The following DGKB variants were observed in gnomAD, a reference collection of about 807,000 sequenced individuals.
The protein encoded by DGKB is 90 kDa diacylglycerol kinase.
DGKB carries 67 observed loss-of-function variants against 114.3 expected under a neutral mutation model. That is an observed-to-expected ratio of 0.59 (90% CI 0.48 to 0.72). The LOEUF (loss-of-function observed/expected upper bound fraction) is 0.72, where lower values mean the gene tolerates loss of function less well. Among genes scored for constraint, DGKB ranks in the 30% least tolerant of loss-of-function variants. The pLI is 0.00. For synonymous variants in DGKB, 398 were observed against 323.1 expected (o/e 1.23, Z -2.49); for missense variants, 907 against 975.2 (o/e 0.93, Z 0.93).
At chr7:14,908,604 A>G (rs1042158134) in intron 1 of DGKB, among the ~76,000 whole-genome samples, 1 of 152,224 alleles carries the variant, frequency 6.6e-6, no homozygotes, top group African/African-American at 2.4e-5. Context: ...GCCTTAAGAT[A>G]AAGCATTTTA....
intron 23 of DGKB, among the ~76,000 whole-genome samples, chr7:14,296,299 G>A (rs192931105): frequency 6.6e-6 from 1 of 152,062 alleles, no homozygotes; most frequent in Non-Finnish European, 1.5e-5. Context: ...CAAAGTGCTG[G>A]TATTACAGGC....
Position 14,729,236 on chromosome 7 carries a change from C to T in DGKB, c.322+6805G>A, listed in dbSNP as rs574147399. Reference sequence around the variant, plus strand: ...CTCCTGGGTTCACGCCATTCTCCCGCCTCAGCCTCCCGAGTAGCTGGGACT... The same window carrying T: ...CTCCTGGGTTCACGCCATTCTCCCGTCTCAGCCTCCCGAGTAGCTGGGACT... On this transcript the variant is annotated intron_variant, in intron 5 of 25. Transcript: ENST00000402815. 8.7e-5 allele frequency among the ~76,000 whole-genome samples: 13 copies of T among 150,106 alleles called. No homozygotes were observed. The South Asian group carries it at 2.7e-3, about 31-fold the overall frequency.
Position 14,200,155 on chromosome 7 carries a change from T to A in DGKB, c.2123-22004A>T, listed in dbSNP as rs193128685. ...AATCTAGTTCTTTAAAGTTGTTTAG[T>A]AACAATTCTCCTTTAATACTTTCTC... On this transcript the variant is annotated intron_variant, in intron 23 of 25. Transcript: ENST00000402815. Among the ~76,000 whole-genome samples the A allele has an allele frequency of 3.3e-5, 5 of 152,198 alleles. No individual in the cohort carries two copies. In the East Asian group the frequency reaches 9.7e-4, roughly 29 times the overall value.
At chr7:14,441,762 T>A (rs1379155133) in intron 21 of DGKB, among the ~76,000 whole-genome samples, 1 of 152,136 alleles carries the variant, frequency 6.6e-6, no homozygotes. Context: ...TACTGTTATA[T>A]GTTTTTTGCT....
At chr7:14,368,954 G>C (rs943295994) in intron 21 of DGKB, among the ~76,000 whole-genome samples, 2 of 152,012 alleles carry the variant, frequency 1.3e-5, no homozygotes, top group Non-Finnish European at 2.9e-5. Context: ...CAATTTCTGG[G>C]ATACATGTGC....
chr7:14,712,663 T>A (rs761104898), intron 6 of DGKB, among the ~76,000 whole-genome samples: 1 of 151,854 alleles, frequency 6.6e-6, no homozygotes, highest in Non-Finnish European at 1.5e-5. Context: ...AGAGTGAGAC[T>A]GTGTCTCAAA....
At chr7:14,522,953 T>A (rs1790026959) in intron 20 of DGKB, among the ~76,000 whole-genome samples, 2 of 152,086 alleles carry the variant, frequency 1.3e-5, no homozygotes, top group African/African-American at 4.8e-5. Flanking sequence ...TCACTAAAAG[T>A]TAATGACCAA....
chr7:14,252,725 G>A (rs1001007047), intron 23 of DGKB, among the ~76,000 whole-genome samples: 2 of 152,134 alleles, frequency 1.3e-5, no homozygotes, highest in African/African-American at 4.8e-5. Context: ...GGTCCATGGG[G>A]TTTAACTGGA....
chr7:14,901,494 G>C (rs1490846378), intron 1 of DGKB, among the ~76,000 whole-genome samples: 2 of 151,918 alleles, frequency 1.3e-5, no homozygotes, highest in African/African-American at 4.8e-5. Context: ...TTTCTGTTTT[G>C]TCAATAATTT....
chr7:14,664,288 T>C (rs185000530), intron 13 of DGKB, among the ~76,000 whole-genome samples: 2 of 152,132 alleles, frequency 1.3e-5, no homozygotes, highest in African/African-American at 4.8e-5. Flanking sequence ...CAGTTTTCTC[T>C]CCTGGTTGCC....
chr7:14,888,538 G>A (rs1006867992), intron 1 of DGKB, among the ~76,000 whole-genome samples: 15 of 151,646 alleles, frequency 9.9e-5, no homozygotes, highest in Admixed American at 2.6e-4. Context: ...ACTTTACAGC[G>A]AAAATATAAA....
intron 9 of DGKB, among the ~76,000 whole-genome samples, chr7:14,688,279 G>C (rs1822072584): frequency 6.6e-6 from 1 of 152,084 alleles, no homozygotes; most frequent in Non-Finnish European, 1.5e-5. Context: ...AAAATAAGCA[G>C]GGCATCCAGA....
At chr7:14,783,605 T>C (rs1839437440) in intron 2 of DGKB, among the ~76,000 whole-genome samples, 1 of 152,224 alleles carries the variant, frequency 6.6e-6, no homozygotes, top group South Asian at 2.1e-4. Context: ...TAAATTCTGC[T>C]CATTATAAAA....
At position 14,392,995 on chromosome 7, in the gene DGKB, G is replaced by GTTTTGTTTTTTTTTTTTTTTTTTTTTTT. The variant is rs1554404749; in HGVS notation, c.1836-47605_1836-47604insAAAAAAAAAAAAAAAAAAAAAAACAAAA. On this transcript the variant is annotated intron_variant, in intron 21 of 25. Coordinates refer to ENST00000402815, the MANE Select transcript of DGKB (RefSeq NM_001350709.2). ...CAAAACAGACCTGTTTTTTGTTTTT[G>GTTTTGTTTTTTTTTTTTTTTTTTTTTTT]TTTTTTTTTTTTTGAGACGGAGTCT... is the stretch of plus-strand genomic sequence containing the variant. Among the ~76,000 whole-genome samples the GTTTTGTTTTTTTTTTTTTTTTTTTTTTT allele has an allele frequency of 3.3e-5, 2 of 60,546 alleles. 1 individual carries two copies. Among genetic ancestry groups the GTTTTGTTTTTTTTTTTTTTTTTTTTTTT allele is most frequent in the African/African-American group, 9.7e-5 (2 of 20,670 alleles). 39.7% of individuals were successfully genotyped at this position (60,546 alleles called of 152,430 possible). A position where few individuals can be genotyped will look rare whatever the true frequency, so the allele number is the denominator to read the frequency against.
intron 1 of DGKB, among the ~76,000 whole-genome samples, chr7:14,908,450 T>G (rs964887375): frequency 1.3e-5 from 2 of 152,180 alleles, no homozygotes; most frequent in Admixed American, 6.6e-5. Flanking sequence ...TCATTTTAAA[T>G]GTCAGTTTTG....
At chr7:14,629,023 T>C (rs1022136749) in intron 14 of DGKB, among the ~76,000 whole-genome samples, 1 of 152,124 alleles carries the variant, frequency 6.6e-6, no homozygotes, top group African/African-American at 2.4e-5. Context: ...TGCATGGGGA[T>C]GCTTTGGAGA....
In DGKB at chr7:14,212,205, CGTGTTTTGTG is replaced by C. The variant is rs1266545858; in HGVS notation, c.2123-34064_2123-34055del. Among the ~76,000 whole-genome samples the C allele has an allele frequency of 5.8e-3, 47 of 8,096 alleles. 19 individuals carry two copies. The highest frequency in any genetic ancestry group is 0.01 in the South Asian group (2 of 194). 5.3% of individuals were successfully genotyped at this position (8,096 alleles called of 152,430 possible). A position where few individuals can be genotyped will look rare whatever the true frequency, so the allele number is the denominator to read the frequency against. On this transcript the variant is annotated intron_variant, in intron 23 of 25. Coordinates refer to ENST00000402815, the MANE Select transcript of DGKB (RefSeq NM_001350709.2). ...CTCTCATGTTTTGTGATTTTACTCT[CGTGTTTTGTG>C]ATTTTACTCTCATGTTTTGTGATTT...
chr7:14,209,549 C>G (rs1787412757), intron 23 of DGKB: 1 of 498,118 alleles, frequency 2.0e-6, no homozygotes, highest in Non-Finnish European at 4.2e-6. Context: ...GAGCTCCACT[C>G]CTATTAATTT....
chr7:14,960,362 C>G (rs1786770979), intron 1 of DGKB, among the ~76,000 whole-genome samples: 2 of 151,622 alleles, frequency 1.3e-5, no homozygotes, highest in African/African-American at 4.8e-5. Flanking sequence ...AAGTTTTCAC[C>G]TAAAAAGTTT....
Sources: allele counts gnomAD v4.1 joint callset (sites outside exome capture counted in the v4.1 genomes callset), GRCh38; gene constraint gnomAD v4.1.1; transcripts MANE v1.5; gene names NCBI Gene and HGNC (gene_info 2026-07-23, HGNC 2026-07-21).